Variants in MNX1 observed in about 807,000 individuals in gnomAD.
MNX1 encodes motor neuron and pancreas homeobox protein 1.
In MNX1, 2 loss-of-function variants were observed where a neutral mutation model predicts 17.3. That is an observed-to-expected ratio of 0.12 (90% confidence interval 0.05 to 0.36). MNX1 has a LOEUF of 0.36. Among genes scored for constraint, MNX1 ranks in the 10% least tolerant of loss-of-function variants. MNX1 has a pLI of 1.00. For synonymous variants in MNX1, 306 were observed against 283.1 expected (o/e 1.08, Z -0.81); for missense variants, 556 against 564.7 (o/e 0.98, Z 0.16).
chr7:157,005,401 G>C lies in MNX1; in HGVS notation c.*119C>G. 1.5e-6 allele frequency: 1 copy of C among 651,506 alleles called. No individual in the cohort carries two copies. Among genetic ancestry groups the C allele is most frequent in the African/African-American group, 1.9e-5 (1 of 52,556 alleles). The allele number at this position is 651,506 out of a possible 1,614,324, so 40.4% of individuals were successfully genotyped here. ...CCCCGGCCTGGGCGAGGGGTCCATG[G>C]GGCGGCGGTCGAGCCTGCTCTCGGG... is the stretch of plus-strand genomic sequence containing the variant. On this transcript the variant is annotated 3_prime_UTR_variant, in exon 3 of 3. Transcript: ENST00000252971.
Position 157,010,301 on chromosome 7 carries a change from G to A in MNX1, c.50C>T (p.Pro17Leu), listed in dbSNP as rs780417329. The part of the protein sequence containing the change: ...FRIDALLAVD[P>L]PRAASAQSAP... Reference sequence around the variant, plus strand: ...GCTCTGCGCAGAGGCGGCTCGTGGGGGGTCCACCGCCAGCAGGGCGTCGAT... The same window carrying A: ...GCTCTGCGCAGAGGCGGCTCGTGGGAGGTCCACCGCCAGCAGGGCGTCGAT... The change falls in exon 1 of 3, where the codon CCC becomes CTC. Residue 17 changes from proline (P) to leucine (L), a missense_variant. Around this residue, in one of 7 missense-constraint regions of MNX1, gnomAD observed 45 missense variants for 42.0 expected, o/e 1.07. Coordinates refer to ENST00000252971, the MANE Select transcript of MNX1 (RefSeq NM_005515.4). 25 of 1,576,286 alleles carry A rather than the reference G, an allele frequency of 1.6e-5. No individual in the cohort carries two copies. The highest frequency in any genetic ancestry group is 4.2e-5 in the African/African-American group (3 of 71,540).
At chr7:157,007,321 GAAAGAGGGAGGGAGGA>G (rs1563700930) in intron 1 of MNX1, among the ~76,000 whole-genome samples, 1 of 151,408 alleles carries the variant, frequency 6.6e-6, no homozygotes, top group Non-Finnish European at 1.5e-5. Context: ...GGGAGAGAGG[GAAAGAGGGAGGGAGGA>G]AGGAAAGAAG....
In MNX1 at chr7:157,006,357, C is replaced by T; in HGVS notation, c.852+122G>A. 8 of 1,169,706 alleles carry T rather than the reference C, an allele frequency of 6.8e-6. No individual in the cohort carries two copies. In the South Asian group the frequency reaches 7.5e-5, roughly 11 times the overall value. 72.5% of individuals were successfully genotyped at this position (1,169,706 alleles called of 1,614,324 possible). A position where few individuals can be genotyped will look rare whatever the true frequency, so the allele number is the denominator to read the frequency against. ...TGGGCACCTTAGATGAACCCGTGCG[C>T]CCGCCGTCTGAACCGTCGAGGCGCA... On this transcript the variant is annotated intron_variant, in intron 2 of 2. Coordinates refer to ENST00000252971, the MANE Select transcript of MNX1 (RefSeq NM_005515.4). This position sits in a 1 kb window ranked among gnomAD's most constrained non-coding sequence, Gnocchi z 6.3.
Position 157,005,550 on chromosome 7 carries a change from C to A in MNX1, c.1176G>T (p.Pro392=), listed in dbSNP as rs769083909. The A allele has an allele frequency of 2.3e-5, 36 of 1,546,362 alleles. No individual in the cohort carries two copies. The highest frequency in any genetic ancestry group is 1.7e-6 in the Non-Finnish European group (2 of 1,151,500). Residue 392 remains proline, a synonymous_variant, in exon 3 of 3, where the codon CCG becomes CCT. Transcript: ENST00000252971. ...GGGGCGCGGGCTGGTGGCTGGGCCG[C>A]GGGGGCGGCGAGTCGTCCTCCGAGG... is the stretch of plus-strand genomic sequence containing the variant. ...DCSSEDDSPP[P]RPSHQPAPQ
intron 1 of MNX1, chr7:157,007,601 T>G (rs945101093): frequency 6.6e-6 from 1 of 152,242 alleles, no homozygotes; most frequent in African/African-American, 2.4e-5. Context: ...GTTCTCTGTG[T>G]GTTCAAGGAG....
Position 157,010,506 on chromosome 7 carries a change from G to C in MNX1, c.-156C>G. On this transcript the variant is annotated 5_prime_UTR_variant, in exon 1 of 3. Transcript: ENST00000252971. The stretch of plus-strand genomic sequence containing the variant: ...AAGTCGCCGCCGGAAACTCAGCCGA[G>C]GGTGACCATGGTCCCGGCGCCTCCT... The C allele has an allele frequency of 2.1e-6, 1 of 478,534 alleles. No individual in the cohort carries two copies. Among genetic ancestry groups the C allele is most frequent in the East Asian group, 3.7e-5 (1 of 27,048 alleles). The allele number at this position is 478,534 out of a possible 1,614,324, so 29.6% of individuals were successfully genotyped here. A position where few individuals can be genotyped will look rare whatever the true frequency, so the allele number is the denominator to read the frequency against.
At position 157,005,513 on chromosome 7, in the gene MNX1, G is replaced by C. The variant is rs527488700; in HGVS notation, c.*7C>G. 217 of 1,445,424 alleles carry C rather than the reference G, an allele frequency of 1.5e-4. No homozygotes were observed. The African/African-American group carries it at 2.3e-3, about 15-fold the overall frequency. 89.5% of individuals were successfully genotyped at this position (1,445,424 alleles called of 1,614,324 possible). A position where few individuals can be genotyped will look rare whatever the true frequency, so the allele number is the denominator to read the frequency against. On this transcript the variant is annotated 3_prime_UTR_variant, in exon 3 of 3. Coordinates refer to ENST00000252971, the MANE Select transcript of MNX1 (RefSeq NM_005515.4). ...GTGCGCGCCGCACCTGCTGGGCCGC[G>C]GGGCTCCTACTGGGGCGCGGGCTGG...
intron 1 of MNX1, 197 bp downstream of exon 1, chr7:157,009,463 C>A: frequency 1.4e-6 from 2 of 1,434,928 alleles, no homozygotes; most frequent in Non-Finnish European, 1.8e-6. Flanking sequence ...CTGCGCATGG[C>A]CATTTTAATA....
chr7:157,006,704 C>T lies in MNX1; in HGVS notation c.692-65G>A, dbSNP rs1001884205. The stretch of plus-strand genomic sequence containing the variant: ...GTCCTCGCCCCAGCCCCTCCCGTTG[C>T]TGCTTGTACCACTACACTCAAGGCC... On this transcript the variant is annotated intron_variant, in intron 1 of 2. Coordinates refer to ENST00000252971, the MANE Select transcript of MNX1 (RefSeq NM_005515.4). The surrounding 1 kb of genome is among the most constrained non-coding windows in gnomAD (Gnocchi z 6.3). 1.6e-4 allele frequency: 240 copies of T among 1,488,654 alleles called. No individual in the cohort carries two copies. The African/African-American group carries it at 3.1e-3, about 19-fold the overall frequency. The allele number at this position is 1,488,654 out of a possible 1,614,324, so 92.2% of individuals were successfully genotyped here. A position where few individuals can be genotyped will look rare whatever the true frequency, so the allele number is the denominator to read the frequency against.
chr7:157,010,092 G>C lies in MNX1; in HGVS notation c.259C>G (p.His87Asp). Reference sequence around the variant, plus strand: ...CCCGGCTTGGGCAGCAGCGCGCAGTGCGCGGCCAGCAGGCGCGGCGGCGAC... The same window carrying C: ...CCCGGCTTGGGCAGCAGCGCGCAGTCCGCGGCCAGCAGGCGCGGCGGCGAC... ...SPSPPRLLAAHCALLPKPGFL... is the reference protein window; with the variant it reads ...SPSPPRLLAADCALLPKPGFL... Residue 87 changes from histidine to aspartate, a missense_variant, in exon 1 of 3, where the codon CAC becomes GAC. His to Asp is a moderately conservative substitution (Grantham distance 81). Around this residue, in one of 7 missense-constraint regions of MNX1, gnomAD observed 115 missense variants for 103.5 expected, o/e 1.11. Transcript: ENST00000252971. 1.0e-6 allele frequency: 1 copy of C among 984,726 alleles called. No individual in the cohort carries two copies. The highest frequency in any genetic ancestry group is 1.2e-6 in the Non-Finnish European group (1 of 831,308). 61.0% of individuals were successfully genotyped at this position (984,726 alleles called of 1,614,324 possible).
chr7:157,008,769 T>C (rs977457143), intron 1 of MNX1: 9 of 584,232 alleles, frequency 1.5e-5, no homozygotes, highest in Non-Finnish European at 2.7e-5. Context: ...TCGGCCCGAC[T>C]CATAAGTAGC....
rs1445338155 is a variant in MNX1 at position 157,009,364 on chromosome 7, T to TC, written c.691+295_691+296insG. 1.2e-5 allele frequency: 17 copies of TC among 1,414,518 alleles called. No individual in the cohort carries two copies. In the East Asian group the frequency reaches 3.1e-4, roughly 26 times the overall value. 87.6% of individuals were successfully genotyped at this position (1,414,518 alleles called of 1,614,324 possible). Reference sequence around the variant, plus strand: ...GGCTCGCCTTCCCCCGGCGACTTCCTTCTCCTGCAGCCTTCGGGTTAATCA... The same window carrying TC: ...GGCTCGCCTTCCCCCGGCGACTTCCTCTCTCCTGCAGCCTTCGGGTTAATCA... On this transcript the variant is annotated intron_variant, in intron 1 of 2. Coordinates refer to ENST00000252971, the MANE Select transcript of MNX1 (RefSeq NM_005515.4).
At position 157,006,852 on chromosome 7, in the gene MNX1, A is replaced by ATTTTTTTTTT. The variant is rs1805610009; in HGVS notation, c.692-214_692-213insAAAAAAAAAA. The ATTTTTTTTTT allele has an allele frequency of 9.2e-6, 3 of 327,642 alleles. No homozygotes were observed. The highest frequency in any genetic ancestry group is 1.1e-4 in the South Asian group (2 of 18,136). The allele number at this position is 327,642 out of a possible 1,614,324, so 20.3% of individuals were successfully genotyped here. Reference sequence around the variant, plus strand: ...TGGATAGTTTGGAGTTAATGAGACCAATTTTTTTTTTTTTTTTTGTCTAGG... The same window carrying ATTTTTTTTTT: ...TGGATAGTTTGGAGTTAATGAGACCATTTTTTTTTTATTTTTTTTTTTTTTTTTGTCTAGG... On this transcript the variant is annotated intron_variant, in intron 1 of 2. Coordinates refer to ENST00000252971, the MANE Select transcript of MNX1 (RefSeq NM_005515.4). This position sits in a 1 kb window ranked among gnomAD's most constrained non-coding sequence, Gnocchi z 6.3.
In MNX1 at chr7:157,010,012, G is replaced by A. The variant is rs769066492; in HGVS notation, c.339C>T (p.Pro113=). ...GGGTGGGHGG[P]HHHAHPGAAA... is the part of the protein sequence containing the mutation. ...CTGCGCCCGGATGCGCGTGGTGGTG[G>A]GGCCCCCCGTGCCCGCCGCCCGTGC... Residue 113 remains proline, a synonymous_variant, in exon 1 of 3, where the codon CCC becomes CCT. Coordinates refer to ENST00000252971, the MANE Select transcript of MNX1 (RefSeq NM_005515.4). 59 of 989,702 alleles carry A rather than the reference G, an allele frequency of 6.0e-5. No homozygotes were observed. In the South Asian group the frequency reaches 2.2e-3, roughly 37 times the overall value. The allele number at this position is 989,702 out of a possible 1,614,324, so 61.3% of individuals were successfully genotyped here.
rs533802404 is a variant in MNX1 at position 157,010,655 on chromosome 7, C to A, written c.-305G>T. ...CAGGCGACCGCGCGGAGGCCGCTGC[C>A]GCCGTGGTGGGGACCCGCGCCCCTC... On this transcript the variant is annotated 5_prime_UTR_variant, in exon 1 of 3. Coordinates refer to ENST00000252971, the MANE Select transcript of MNX1 (RefSeq NM_005515.4). 2.7e-5 allele frequency: 6 copies of A among 221,176 alleles called. No individual in the cohort carries two copies. Among genetic ancestry groups the A allele is most frequent in the East Asian group, 6.8e-5 (1 of 14,682 alleles). 13.7% of individuals were successfully genotyped at this position (221,176 alleles called of 1,614,324 possible).
In MNX1 at chr7:157,005,781, G is replaced by T; in HGVS notation, c.945C>A (p.Gly315=). The part of the protein sequence containing the change: ...QAAQEAEKQK[G]GGGGAGKGGA... Reference sequence around the variant, plus strand: ...CGCCCTTCCCCGCGCCCCCGCCGCCGCCCTTCTGTTTCTCCGCTTCCTGCG... The same window carrying T: ...CGCCCTTCCCCGCGCCCCCGCCGCCTCCCTTCTGTTTCTCCGCTTCCTGCG... Residue 315 remains glycine (G), a synonymous_variant, in exon 3 of 3, where the codon GGC becomes GGA. Transcript: ENST00000252971. The T allele has an allele frequency of 6.2e-7, 1 of 1,610,718 alleles. No individual in the cohort carries two copies. The highest frequency in any genetic ancestry group is 8.5e-7 in the Non-Finnish European group (1 of 1,179,656).
chr7:157,010,228 G>C lies in MNX1; in HGVS notation c.123C>G (p.Thr41=), dbSNP rs772333836. 7.7e-7 allele frequency: 1 copy of C among 1,301,286 alleles called. No homozygotes were observed. Among genetic ancestry groups the C allele is most frequent in the East Asian group, 3.2e-5 (1 of 31,104 alleles). 80.6% of individuals were successfully genotyped at this position (1,301,286 alleles called of 1,614,324 possible). Residue 41 remains threonine, a synonymous_variant, in exon 1 of 3, where the codon ACC becomes ACG. Transcript: ENST00000252971. ...CCCCGCCGCCGCCGCCGCCACCTCC[G>C]GTGCCAGATGCGGCGGCGGCGAGCG... ...VTSLAAAASG[T]GGGGGGGGAS...
intron 2 of MNX1, 43 bp from the exon 3 acceptor site, chr7:157,005,916 C>G (rs751996554): frequency 6.2e-7 from 1 of 1,604,664 alleles, no homozygotes; most frequent in East Asian, 2.2e-5. Flanking sequence ...ACCGCCACCC[C>G]AGGGCTTCCT....
In MNX1 at chr7:157,005,880, G is replaced by T; in HGVS notation, c.853-7C>A. 2 of 1,610,590 alleles carry T rather than the reference G, an allele frequency of 1.2e-6. No individual in the cohort carries two copies. The highest frequency in any genetic ancestry group is 2.2e-5 in the East Asian group (1 of 44,838). On this transcript the variant is annotated splice_polypyrimidine_tract_variant and splice_region_variant and intron_variant, in intron 2 of 2. Transcript: ENST00000252971. Reference sequence around the variant, plus strand: ...TCTGGAACCAAATCTTCACCTGCGGGCACAAGCGGGCGTGAGAAACCGGCC... The same window carrying T: ...TCTGGAACCAAATCTTCACCTGCGGTCACAAGCGGGCGTGAGAAACCGGCC...
Sources: gnomAD v4.1 joint callset for allele counts (sites outside exome capture counted in the v4.1 genomes callset) on GRCh38, gnomAD v4.1.1 for gene constraint, gnomAD v4.1.1 regional missense constraint, Gnocchi (gnomAD v3.1) non-coding constraint, MANE v1.5 for transcripts, NCBI Gene and HGNC (gene_info 2026-07-23, HGNC 2026-07-21) for gene names.